Variants in CRADD observed in about 807,000 individuals in gnomAD.
CRADD encodes CARD and death domain containing adaptor protein.
A neutral mutation model predicts 15.5 loss-of-function variants in CRADD; 9 were observed. The observed-to-expected ratio is 0.58, with a 90% CI of 0.35 to 1.01. The LOEUF (loss-of-function observed/expected upper bound fraction) is 1.01. CRADD is among the 50% of genes least tolerant of loss of function. The probability of loss-of-function intolerance (pLI) is 0.02; values close to 1 mark genes in which losing one functional copy is unlikely to be tolerated. For missense variants in CRADD, 227 were observed against 250.3 expected, an observed-to-expected ratio of 0.91 and a Z score of 0.63; for synonymous variants, 118 against 107.6, an observed-to-expected ratio of 1.10 and a Z score of -0.60.
intron 2 of CRADD, among the ~76,000 whole-genome samples, chr12:93,810,922 C>T (rs1957619050): frequency 6.6e-6 from 1 of 152,178 alleles, no homozygotes; most frequent in South Asian, 2.1e-4. Flanking sequence ...TGCAAAACTC[C>T]CTTGTCTTGA....
At chr12:93,794,173 C>T (rs767503300) in intron 2 of CRADD, among the ~76,000 whole-genome samples, 4 of 152,158 alleles carry the variant, frequency 2.6e-5, no homozygotes, top group Non-Finnish European at 5.9e-5. Context: ...TGGTTTCCAA[C>T]AGCTGACCTC....
chr12:93,779,421 A>C (rs1038630510), intron 2 of CRADD, among the ~76,000 whole-genome samples: 1 of 152,164 alleles, frequency 6.6e-6, no homozygotes, highest in South Asian at 2.1e-4. Flanking sequence ...TTAGGAAAAT[A>C]TATTTCAAAG....
chr12:93,745,237 A>G (rs968559049), intron 2 of CRADD, among the ~76,000 whole-genome samples: 4 of 152,186 alleles, frequency 2.6e-5, no homozygotes, highest in African/African-American at 9.7e-5. Context: ...CTTAAATTCT[A>G]ATTTTTCTCA....
At chr12:93,723,465 A>G (rs1326707122) in intron 2 of CRADD, among the ~76,000 whole-genome samples, 1 of 152,174 alleles carries the variant, frequency 6.6e-6, no homozygotes, top group Non-Finnish European at 1.5e-5. Context: ...GACTCAGTAC[A>G]AGAAGACAAA....
intron 2 of CRADD, among the ~76,000 whole-genome samples, chr12:93,813,095 T>C (rs1957647774): frequency 6.6e-6 from 1 of 152,192 alleles, no homozygotes; most frequent in African/African-American, 2.4e-5. Context: ...ATTAAGACAA[T>C]GCACAGAAAA....
intron 2 of CRADD, among the ~76,000 whole-genome samples, chr12:93,886,636 T>A (rs1958539507): frequency 6.6e-6 from 1 of 152,206 alleles, no homozygotes; most frequent in Non-Finnish European, 1.5e-5. Flanking sequence ...CTATGTGGGA[T>A]TAAGTTTTCC....
chr12:93,756,468 A>G (rs976900884), intron 2 of CRADD, among the ~76,000 whole-genome samples: 4 of 152,180 alleles, frequency 2.6e-5, no homozygotes, highest in Non-Finnish European at 5.9e-5. Flanking sequence ...ACCACTTGTA[A>G]GCCACACAGG....
chr12:93,871,857 G>T (rs1319285285), intron 2 of CRADD, among the ~76,000 whole-genome samples: 2 of 152,188 alleles, frequency 1.3e-5, no homozygotes, highest in African/African-American at 4.8e-5. Flanking sequence ...ATTGTAGACA[G>T]TGCTGCAACA....
At chr12:93,749,717 G>A (rs1956809230) in intron 2 of CRADD, among the ~76,000 whole-genome samples, 1 of 152,056 alleles carries the variant, frequency 6.6e-6, no homozygotes, top group South Asian at 2.1e-4. Context: ...TCTATTATGG[G>A]TTTTATCTAT....
intron 2 of CRADD, among the ~76,000 whole-genome samples, chr12:93,734,058 T>A (rs1321220633): frequency 1.3e-5 from 2 of 151,742 alleles, no homozygotes; most frequent in Non-Finnish European, 2.9e-5. Flanking sequence ...TTTCCCTTCC[T>A]CCCTCCTTCC....
At chr12:93,778,883 C>A (rs568340497) in intron 2 of CRADD, among the ~76,000 whole-genome samples, 1 of 152,232 alleles carries the variant, frequency 6.6e-6, no homozygotes, top group Non-Finnish European at 1.5e-5. Context: ...CAAGATGTTT[C>A]CACCACTTAC....
At chr12:93,725,052 G>T (rs2136897820) in intron 2 of CRADD, among the ~76,000 whole-genome samples, 1 of 152,136 alleles carries the variant, frequency 6.6e-6, no homozygotes, top group Non-Finnish European at 1.5e-5. Context: ...AGTAGAGGCG[G>T]GGTTTCATCG....
chr12:93,840,859 A>C (rs1346574411), intron 2 of CRADD, among the ~76,000 whole-genome samples: 1 of 152,158 alleles, frequency 6.6e-6, no homozygotes, highest in East Asian at 1.9e-4. Context: ...AGCACTGGTC[A>C]GGACGTCCAA....
chr12:93,827,743 A>G (rs896315391), intron 2 of CRADD, among the ~76,000 whole-genome samples: 2 of 151,368 alleles, frequency 1.3e-5, no homozygotes, highest in African/African-American at 4.8e-5. Context: ...TATTTTAACC[A>G]ATTTTATTGT....
intron 2 of CRADD, among the ~76,000 whole-genome samples, chr12:93,763,372 T>TA (rs35912957): frequency 0.45 from 67,931 of 150,978 alleles, 16,453 homozygotes; most frequent in East Asian, 0.81. Flanking sequence ...TCCTCTCTAT[T>TA]AAAAAAAAAT....
intron 2 of CRADD, chr12:93,837,366 C>T (rs1352907113): frequency 6.6e-6 from 1 of 152,024 alleles, no homozygotes; most frequent in East Asian, 1.9e-4. Flanking sequence ...CTCCTGAGAT[C>T]AAGCAATTCT....
At chr12:93,870,024 A>T (rs1958404587) in intron 2 of CRADD, among the ~76,000 whole-genome samples, 2 of 152,188 alleles carry the variant, frequency 1.3e-5, no homozygotes, top group Non-Finnish European at 2.9e-5. Context: ...AAAGAAAAAA[A>T]AATCTTTAAA....
At chr12:93,843,989 T>C (rs12371733) in intron 2 of CRADD, among the ~76,000 whole-genome samples, 22,679 of 152,248 alleles carry the variant, frequency 0.15, 1,973 homozygotes, top group Non-Finnish European at 0.2. Context: ...CCCAAAGTGC[T>C]GGGATTACAG....
intron 2 of CRADD, among the ~76,000 whole-genome samples, chr12:93,805,335 TAGA>T (rs1285951237): frequency 2.0e-5 from 3 of 152,048 alleles, no homozygotes; most frequent in Non-Finnish European, 4.4e-5. Flanking sequence ...GGAAAATCAT[TAGA>T]AGAAGTATAG....
Sources: allele counts gnomAD v4.1 joint callset (sites outside exome capture counted in the v4.1 genomes callset), GRCh38; gene constraint gnomAD v4.1.1; transcripts MANE v1.5; gene names NCBI Gene and HGNC (gene_info 2026-07-23, HGNC 2026-07-21).